The following NRG1 variants were observed in gnomAD, a reference collection of about 807,000 sequenced individuals.
The protein encoded by NRG1 is pro-neuregulin-1, membrane-bound isoform.
A neutral mutation model predicts 63.8 loss-of-function variants in NRG1; 18 were observed. The ratio of observed to expected loss-of-function variants is 0.28; its 90% CI spans 0.19 to 0.42. The LOEUF (loss-of-function observed/expected upper bound fraction) is 0.42. Among genes scored for constraint, NRG1 ranks in the 10% least tolerant of loss-of-function variants. The pLI, the probability that NRG1 is intolerant of heterozygous loss-of-function variation, is 1.00. For synonymous variants in NRG1, 302 were observed against 301.3 expected, an observed-to-expected ratio of 1.00 and a Z score of -0.02; for missense variants, 762 against 814.7, an observed-to-expected ratio of 0.94 and a Z score of 0.79.
chr8:32,687,287 A>G (rs905774889), intron 5 of NRG1, among the ~76,000 whole-genome samples: 11 of 152,250 alleles, frequency 7.2e-5, no homozygotes, highest in Non-Finnish European at 1.3e-4. Flanking sequence ...TACACAAACT[A>G]TTTTAGGAGG....
At chr8:31,680,723 T>G (rs1011037340) in intron 1 of NRG1, among the ~76,000 whole-genome samples, 3 of 152,012 alleles carry the variant, frequency 2.0e-5, no homozygotes, top group Non-Finnish European at 4.4e-5. Flanking sequence ...CACACTGACT[T>G]CCACAATGGT....
At chr8:32,138,569 C>CT (rs889638823) in intron 1 of NRG1, among the ~76,000 whole-genome samples, 8 of 150,738 alleles carry the variant, frequency 5.3e-5, no homozygotes, top group East Asian at 3.9e-4. Flanking sequence ...ACAGCGATTT[C>CT]TTTTTTTTTG....
chr8:31,663,909 C>G (rs927282118), intron 1 of NRG1, among the ~76,000 whole-genome samples: 1 of 151,984 alleles, frequency 6.6e-6, no homozygotes, highest in Admixed American at 6.6e-5. Context: ...GAGTAGGTAA[C>G]TGTACTCAGC....
At chr8:32,476,008 A>G (rs1274997342) in intron 1 of NRG1, among the ~76,000 whole-genome samples, 1 of 152,198 alleles carries the variant, frequency 6.6e-6, no homozygotes, top group Admixed American at 6.5e-5. Context: ...CTTGCCGAAG[A>G]GTAGTAAAAA....
chr8:32,698,911 A>G (rs1430521532), intron 5 of NRG1, among the ~76,000 whole-genome samples: 1 of 152,236 alleles, frequency 6.6e-6, no homozygotes, highest in Non-Finnish European at 1.5e-5. Flanking sequence ...ACCTCCAGAC[A>G]GAACTTCACC....
Position 32,022,270 on chromosome 8 carries a change from A to G in NRG1, c.37+382839A>G, listed in dbSNP as rs138159180. On this transcript the variant is annotated intron_variant, in intron 1 of 10. Transcript: ENST00000519301. ...TTGCTTAAGTCAGAGCGTTCTCTGA[A>G]TCTTCTAACTCTTCATTTAATTCAC... is the stretch of plus-strand genomic sequence containing the variant. 1.4e-4 allele frequency among the ~76,000 whole-genome samples: 21 copies of G among 152,280 alleles called. No individual in the cohort carries two copies. The East Asian group carries it at 4.1e-3, about 29-fold the overall frequency.
chr8:32,221,041 C>T (rs536711442), intron 1 of NRG1: 1 of 152,248 alleles, frequency 6.6e-6, no homozygotes, highest in Admixed American at 6.5e-5. Context: ...GGTAGGGCGG[C>T]TGTCAATTCT....
At chr8:32,492,127 G>GA (rs887898859) in intron 1 of NRG1, among the ~76,000 whole-genome samples, 27 of 146,878 alleles carry the variant, frequency 1.8e-4, no homozygotes, top group South Asian at 2.2e-4. Context: ...AAGAAAAAAA[G>GA]AAAAAAAAAA....
At position 32,488,465 on chromosome 8, in the gene NRG1, C is replaced by A. The variant is rs183622223; in HGVS notation, c.38-107363C>A. ...TATACTTCTGACCACTTGGGAAATA[C>A]CCCCCAAAATAGCTGAAAGGTCCCA... On this transcript the variant is annotated intron_variant, in intron 1 of 10. Coordinates refer to the NRG1 transcript ENST00000519301. Among the ~76,000 whole-genome samples the A allele has an allele frequency of 3.4e-3, 521 of 152,186 alleles. 3 individuals carry two copies. Among genetic ancestry groups the A allele is most frequent in the African/African-American group, 0.012 (510 of 41,538 alleles).
chr8:32,248,652 A>G (rs1448080861), intron 1 of NRG1, among the ~76,000 whole-genome samples: 1 of 152,072 alleles, frequency 6.6e-6, no homozygotes, highest in African/African-American at 2.4e-5. Context: ...AAATATTAGT[A>G]CCATTGAAAG....
intron 1 of NRG1, among the ~76,000 whole-genome samples, chr8:32,491,712 C>A (rs992982090): frequency 2.0e-5 from 3 of 152,182 alleles, no homozygotes; most frequent in Admixed American, 6.5e-5. Flanking sequence ...ATAATGTATT[C>A]ATAGAAATGA....
intron 5 of NRG1, among the ~76,000 whole-genome samples, chr8:32,663,605 C>A: frequency 6.6e-6 from 1 of 152,106 alleles, no homozygotes; most frequent in Non-Finnish European, 1.5e-5. Context: ...TGCCAAGGTG[C>A]CAACTATTTT....
chr8:32,204,567 A>T (rs955875297), intron 1 of NRG1, among the ~76,000 whole-genome samples: 1 of 152,208 alleles, frequency 6.6e-6, no homozygotes, highest in Admixed American at 6.5e-5. Context: ...CAAAGTGGGG[A>T]TAGTAGTATC....
intron 1 of NRG1, among the ~76,000 whole-genome samples, chr8:32,104,175 G>A (rs1830954057): frequency 6.6e-6 from 1 of 152,136 alleles, no homozygotes; most frequent in Non-Finnish European, 1.5e-5. Flanking sequence ...GGCTTATGTG[G>A]TCTAGCCTCT....
chr8:32,055,979 GT>G (rs1198403604), intron 1 of NRG1, among the ~76,000 whole-genome samples: 2 of 152,068 alleles, frequency 1.3e-5, no homozygotes, highest in Non-Finnish European at 2.9e-5. Context: ...AGAATGCCAA[GT>G]TTTTTATTTA....
intron 1 of NRG1, among the ~76,000 whole-genome samples, chr8:31,695,370 C>T (rs1809952777): frequency 6.6e-6 from 1 of 152,154 alleles, no homozygotes; most frequent in South Asian, 2.1e-4. Context: ...GGGTTTTGCC[C>T]TGTTGGCGAG....
At chr8:31,714,541 C>A (rs540298921) in intron 1 of NRG1, among the ~76,000 whole-genome samples, 1 of 152,154 alleles carries the variant, frequency 6.6e-6, no homozygotes, top group South Asian at 2.1e-4. Flanking sequence ...CTATTCTGAC[C>A]ATAAAATGCT....
intron 5 of NRG1, among the ~76,000 whole-genome samples, chr8:32,668,293 C>T (rs1804751365): frequency 6.6e-6 from 1 of 152,060 alleles, no homozygotes; most frequent in Non-Finnish European, 1.5e-5. Context: ...CCAGCAAAGT[C>T]CTAGCCAGGA....
chr8:32,646,950 G>C, intron 5 of NRG1: 1 of 984,660 alleles, frequency 1.0e-6, no homozygotes, highest in South Asian at 4.7e-5. Flanking sequence ...ATGAAGAAGG[G>C]AAAGAAAGAG....
Sources: gnomAD v4.1 joint callset for allele counts (sites outside exome capture counted in the v4.1 genomes callset) on GRCh38, gnomAD v4.1.1 for gene constraint, MANE v1.5 for transcripts, NCBI Gene and HGNC (gene_info 2026-07-23, HGNC 2026-07-21) for gene names.